The following PPARGC1B variants were observed in gnomAD, a reference collection of about 807,000 sequenced individuals.
PPARGC1B encodes peroxisome proliferator-activated receptor gamma coactivator 1-beta.
In PPARGC1B, 34 loss-of-function variants were observed where a neutral mutation model predicts 101.6. That is an observed-to-expected ratio of 0.33 (90% CI 0.25 to 0.45). The LOEUF is 0.45. Among genes scored for constraint, PPARGC1B ranks in the 20% least tolerant of loss-of-function variants. The pLI, the probability that PPARGC1B is intolerant of heterozygous loss-of-function variation, is 1.00. For synonymous variants in PPARGC1B, 548 were observed against 539.3 expected, an observed-to-expected ratio of 1.02 and a Z score of -0.22; for missense variants, 1,234 against 1,317.6, an observed-to-expected ratio of 0.94 and a Z score of 0.98.
At chr5:149,815,406 G>T (rs984407702) in intron 1 of PPARGC1B, among the ~76,000 whole-genome samples, 11 of 152,122 alleles carry the variant, frequency 7.2e-5, no homozygotes, top group African/African-American at 2.4e-4. Context: ...AAATGGTCAT[G>T]TACAAGCCAA....
intron 1 of PPARGC1B, 75 bp from the exon 2 acceptor site, chr5:149,820,358 C>A: frequency 7.1e-7 from 1 of 1,415,512 alleles, no homozygotes; most frequent in Non-Finnish European, 9.8e-7. Context: ...TTAGCTGCAT[C>A]ATTATTGAGA....
At chr5:149,734,321 CAAAAA>C (rs1221455764) in intron 1 of PPARGC1B, among the ~76,000 whole-genome samples, 1 of 64,508 alleles carries the variant, frequency 1.6e-5, no homozygotes, top group East Asian at 5.2e-4. Context: ...AACTCATTCT[CAAAAA>C]AAAAAAAAAA....
At chr5:149,772,285 G>A (rs548826768) in intron 1 of PPARGC1B, 43 of 1,484,200 alleles carry the variant, frequency 2.9e-5, no homozygotes, top group Middle Eastern at 1.7e-4. Flanking sequence ...GTTAGGGTAC[G>A]GTAGTGTGCG....
chr5:149,823,647 G>C (rs1389452385), intron 2 of PPARGC1B, among the ~76,000 whole-genome samples: 3 of 152,154 alleles, frequency 2.0e-5, no homozygotes, highest in Admixed American at 2.0e-4. Context: ...GGGAAGAGGA[G>C]AGGGGTGGCA....
At chr5:149,785,522 C>G (rs1756769777) in intron 1 of PPARGC1B, among the ~76,000 whole-genome samples, 1 of 152,244 alleles carries the variant, frequency 6.6e-6, no homozygotes, top group Non-Finnish European at 1.5e-5. Flanking sequence ...GTTTGAACGT[C>G]TCATAAATCT....
chr5:149,762,896 C>T (rs889325309), intron 1 of PPARGC1B, among the ~76,000 whole-genome samples: 1 of 152,114 alleles, frequency 6.6e-6, no homozygotes, highest in Non-Finnish European at 1.5e-5. Context: ...AAGTGATTCT[C>T]CCACCTCAGC....
intron 1 of PPARGC1B, among the ~76,000 whole-genome samples, chr5:149,768,242 C>T (rs1561513754): frequency 6.6e-6 from 1 of 152,078 alleles, no homozygotes; most frequent in Non-Finnish European, 1.5e-5. Context: ...TTTTTAAGGC[C>T]ACCAGATGCA....
chr5:149,790,871 C>T (rs1249651477), intron 1 of PPARGC1B, among the ~76,000 whole-genome samples: 3 of 152,090 alleles, frequency 2.0e-5, no homozygotes, highest in African/African-American at 7.2e-5. Flanking sequence ...ATGTAGGTTC[C>T]TGGGTCCCTG....
rs962985954 is a variant in PPARGC1B at position 149,844,162 on chromosome 5, T to A, written c.2817-1598T>A. 1.1e-4 allele frequency among the ~76,000 whole-genome samples: 16 copies of A among 152,326 alleles called. 1 individual carries two copies. Among genetic ancestry groups the A allele is most frequent in the Non-Finnish European group, 1.5e-4 (10 of 68,028 alleles). On this transcript the variant is annotated intron_variant, in intron 10 of 11. Transcript: ENST00000309241. ...TGTTAAGTGTTTTTGCCAATTTTTTTAAAAAAGAACCATTATACAAATAGA... is the reference window on the plus strand; with the variant it reads ...TGTTAAGTGTTTTTGCCAATTTTTTAAAAAAAGAACCATTATACAAATAGA...
At chr5:149,847,169 AG>A in intron 11 of PPARGC1B, 3 of 523,492 alleles carry the variant, frequency 5.7e-6, no homozygotes, top group Non-Finnish European at 1.1e-5. Flanking sequence ...TGTTGGGGGA[AG>A]TAGAGTTGTA....
rs1754443031 is a variant in PPARGC1B, at chr5:149,731,033, C to T, written c.78+613C>T. ...GCGTCTTCCTGGTTTCGCTATCGGG[C>T]GGAGCCCCCTGGGGGGAAAAGCCAG... On this transcript the variant is annotated intron_variant, in intron 1 of 11. Coordinates refer to ENST00000309241, the MANE Select transcript of PPARGC1B (RefSeq NM_133263.4). Among the ~76,000 whole-genome samples, 3 of 152,336 alleles carry T rather than the reference C, an allele frequency of 2.0e-5. No individual in the cohort carries two copies. In the South Asian group the frequency reaches 6.2e-4, roughly 32 times the overall value.
At chr5:149,795,983 A>G (rs991579140) in intron 1 of PPARGC1B, among the ~76,000 whole-genome samples, 2 of 152,102 alleles carry the variant, frequency 1.3e-5, no homozygotes, top group Non-Finnish European at 2.9e-5. Context: ...ATTTTCCCAC[A>G]TAAGAGAAGG....
intron 3 of PPARGC1B, among the ~76,000 whole-genome samples, chr5:149,827,713 G>A (rs1581102729): frequency 6.6e-6 from 1 of 152,250 alleles, no homozygotes; most frequent in Admixed American, 6.5e-5. Context: ...GTTAAATGCG[G>A]TGTGAGCGTG....
chr5:149,760,091 C>T (rs557793666), intron 1 of PPARGC1B, among the ~76,000 whole-genome samples: 247 of 152,232 alleles, frequency 1.6e-3, no homozygotes, highest in South Asian at 0.01. Context: ...CAAGGATGCC[C>T]TAGGGACACT....
At chr5:149,822,233 T>C (rs1758330151) in intron 2 of PPARGC1B, among the ~76,000 whole-genome samples, 1 of 152,150 alleles carries the variant, frequency 6.6e-6, no homozygotes. Context: ...ACTGAGACTG[T>C]ATAGGCCCCC....
chr5:149,819,085 C>G (rs1336888304), intron 1 of PPARGC1B, among the ~76,000 whole-genome samples: 1 of 152,240 alleles, frequency 6.6e-6, no homozygotes, highest in Non-Finnish European at 1.5e-5. Flanking sequence ...TGATTGGCTT[C>G]TGATTCAGTA....
rs757690779 is a variant in PPARGC1B, at chr5:149,826,699, G to T, written c.279G>T (p.Leu93=). The change falls in exon 3 of 12, where the codon CTG becomes CTT. Residue 93 remains leucine (L), a synonymous_variant. Transcript: ENST00000309241. ...TTGACAGTGAGAATGAGGCCCTCCT[G>T]GCAGAGCTCACCAAGACCCTGGATG... ...FQIDSENEAL[L]AELTKTLDDI... is the part of the protein sequence containing the mutation. 2.2e-5 allele frequency: 36 copies of T among 1,614,056 alleles called. No homozygotes were observed. The South Asian group carries it at 3.6e-4, about 16-fold the overall frequency.
At chr5:149,824,041 A>T (rs182456840) in intron 2 of PPARGC1B, among the ~76,000 whole-genome samples, 5 of 152,096 alleles carry the variant, frequency 3.3e-5, no homozygotes, top group Admixed American at 2.0e-4. Context: ...GTGAGTGCCA[A>T]CTGTGATTGA....
chr5:149,790,273 T>C (rs953619260), intron 1 of PPARGC1B, among the ~76,000 whole-genome samples: 1 of 152,166 alleles, frequency 6.6e-6, no homozygotes, highest in Non-Finnish European at 1.5e-5. Flanking sequence ...CCAGAATCTT[T>C]TGGCAGCATC....
Sources: gnomAD v4.1 joint callset for allele counts (sites outside exome capture counted in the v4.1 genomes callset) on GRCh38, gnomAD v4.1.1 for gene constraint, MANE v1.5 for transcripts, NCBI Gene and HGNC (gene_info 2026-07-23, HGNC 2026-07-21) for gene names.